ENTREP2: variants seen among roughly 807,000 people sequenced by gnomAD.
ENTREP2 encodes protein ENTREP2.
the ENTREP2 span, among the ~76,000 whole-genome samples, chr15:29,404,153 G>A: frequency 6.6e-6 from 1 of 152,084 alleles, no homozygotes; most frequent in Non-Finnish European, 1.5e-5. Context: ...AAGGGCACAG[G>A]AGTACATCCA....
At chr15:29,577,144 G>A in the ENTREP2 span, among the ~76,000 whole-genome samples, 1 of 151,910 alleles carries the variant, frequency 6.6e-6, no homozygotes, top group African/African-American at 2.4e-5. Context: ...AGAAAGAAAG[G>A]AGCAAGTGTT....
the ENTREP2 span, among the ~76,000 whole-genome samples, chr15:29,491,823 C>T: frequency 6.6e-6 from 1 of 152,202 alleles, no homozygotes; most frequent in African/African-American, 2.4e-5. Context: ...TCCTGCCTCA[C>T]AGTAGACATT....
chr15:29,155,148 G>A, the ENTREP2 span, among the ~76,000 whole-genome samples: 3 of 152,050 alleles, frequency 2.0e-5, no homozygotes, highest in African/African-American at 7.2e-5. Context: ...CGGGCGTGGT[G>A]GCCGGCGCCT....
the ENTREP2 span, among the ~76,000 whole-genome samples, chr15:29,309,291 C>T: frequency 6.6e-6 from 1 of 152,194 alleles, no homozygotes; most frequent in Admixed American, 6.5e-5. Flanking sequence ...TCCTGTAATA[C>T]CAAGGCCCAC....
At chr15:29,527,842 G>A in the ENTREP2 span, among the ~76,000 whole-genome samples, 1,082 of 152,220 alleles carry the variant, frequency 7.1e-3, 5 homozygotes, top group Non-Finnish European at 0.012. Context: ...CAGTAAGGAT[G>A]CTTCAGCGGA....
the ENTREP2 span, among the ~76,000 whole-genome samples, chr15:29,480,749 T>C: frequency 1.1e-4 from 16 of 152,080 alleles, 1 homozygote; most frequent in Non-Finnish European, 1.3e-4. Flanking sequence ...TTAGAGGCAT[T>C]GAACATCCCA....
the ENTREP2 span, among the ~76,000 whole-genome samples, chr15:29,577,349 T>TGTGTGTGTGTGTGTGTGTGA: frequency 2.5e-4 from 36 of 144,444 alleles, no homozygotes; most frequent in African/African-American, 8.9e-4. Context: ...TGTGTGTGTG[T>TGTGTGTGTGTGTGTGTGTGA]GAGAGAGAGA....
At chr15:29,303,857 G>T in the ENTREP2 span, among the ~76,000 whole-genome samples, 2 of 152,030 alleles carry the variant, frequency 1.3e-5, no homozygotes, top group Non-Finnish European at 2.9e-5. Flanking sequence ...AGTATTCCAT[G>T]GTTTATATGT....
At chr15:29,460,174 C>G in the ENTREP2 span, among the ~76,000 whole-genome samples, 4 of 152,126 alleles carry the variant, frequency 2.6e-5, no homozygotes, top group East Asian at 3.9e-4. Context: ...ATCCTGTGAG[C>G]CCAGGAGTTT....
At chr15:29,134,309 G>T in the ENTREP2 span, among the ~76,000 whole-genome samples, 1 of 152,166 alleles carries the variant, frequency 6.6e-6, no homozygotes, top group Non-Finnish European at 1.5e-5. Flanking sequence ...CTGACTAAAG[G>T]ATTCCTCTCC....
At chr15:29,368,338 AT>A in the ENTREP2 span, among the ~76,000 whole-genome samples, 2,346 of 95,978 alleles carry the variant, frequency 0.024, 64 homozygotes, top group African/African-American at 0.096. Flanking sequence ...AAAAAAAAAA[AT>A]ATATATATAT....
chr15:29,364,994 T>G, the ENTREP2 span, among the ~76,000 whole-genome samples: 1 of 152,148 alleles, frequency 6.6e-6, no homozygotes, highest in Admixed American at 6.6e-5. Flanking sequence ...TTTGGAGAAA[T>G]GCATAATGAC....
chr15:29,633,812 C>A, the ENTREP2 span, among the ~76,000 whole-genome samples: 1 of 152,000 alleles, frequency 6.6e-6, no homozygotes, highest in Non-Finnish European at 1.5e-5. Context: ...TACAAGAATT[C>A]ACTGGGCGTG....
At chr15:29,408,273 G>A in the ENTREP2 span, among the ~76,000 whole-genome samples, 1 of 152,150 alleles carries the variant, frequency 6.6e-6, no homozygotes, top group Non-Finnish European at 1.5e-5. Context: ...CCTCCCTCAT[G>A]ACATCCTGGG....
chr15:29,443,575 C>G, the ENTREP2 span, among the ~76,000 whole-genome samples: 75,766 of 151,780 alleles, frequency 0.5, 19,956 homozygotes, highest in South Asian at 0.62. Context: ...TGAGGGTGTG[C>G]CCCAAGAAGT....
At chr15:29,426,209 T>C in the ENTREP2 span, among the ~76,000 whole-genome samples, 1 of 152,182 alleles carries the variant, frequency 6.6e-6, no homozygotes, top group Non-Finnish European at 1.5e-5. Flanking sequence ...AAAATCACTT[T>C]CATGTACCCA....
chr15:29,548,453 T>TAAAAAAAAA, the ENTREP2 span, among the ~76,000 whole-genome samples: 15 of 134,192 alleles, frequency 1.1e-4, 1 homozygote, highest in African/African-American at 3.6e-4. Flanking sequence ...AGATTCTGCC[T>TAAAAAAAAA]AAAAAAAAAA....
At chr15:29,591,090 A>G in the ENTREP2 span, among the ~76,000 whole-genome samples, 3 of 152,212 alleles carry the variant, frequency 2.0e-5, no homozygotes, top group African/African-American at 7.2e-5. Flanking sequence ...ATCTAAAAAC[A>G]TCCTTTTTTT....
the ENTREP2 span, among the ~76,000 whole-genome samples, chr15:29,626,222 T>C: frequency 6.6e-6 from 1 of 152,234 alleles, no homozygotes; most frequent in Non-Finnish European, 1.5e-5. Flanking sequence ...GGAGTTTTCC[T>C]AGATTTCTGA....
Sources: allele counts gnomAD v4.1 joint callset (sites outside exome capture counted in the v4.1 genomes callset), GRCh38; gene constraint gnomAD v4.1.1; transcripts MANE v1.5; gene names NCBI Gene and HGNC (gene_info 2026-07-23, HGNC 2026-07-21).